Variants in PEBP4 observed in about 807,000 individuals in gnomAD.
PEBP4 encodes the protein phosphatidylethanolamine-binding protein 4.
PEBP4 carries 22 observed loss-of-function variants against 23.9 expected under a neutral mutation model. That is an observed-to-expected ratio of 0.92 (90% confidence interval 0.66 to 1.31). The LOEUF (loss-of-function observed/expected upper bound fraction) is 1.31, where lower values mean the gene tolerates loss of function less well. Ranked by LOEUF, PEBP4 falls within the 40% of genes most tolerant of loss-of-function variation. PEBP4 has a pLI of 0.00. For synonymous variants in PEBP4, 112 were observed against 99.3 expected (o/e 1.13, Z -0.76); for missense variants, 324 against 281.7 (o/e 1.15, Z -1.07).
intron 3 of PEBP4, among the ~76,000 whole-genome samples, chr8:22,855,590 T>A (rs1039439984): frequency 6.6e-6 from 1 of 152,188 alleles, no homozygotes; most frequent in African/African-American, 2.4e-5. Context: ...GGAAGTATTA[T>A]GTCCCTGGAA....
intron 3 of PEBP4, among the ~76,000 whole-genome samples, chr8:22,919,119 G>T (rs1484143350): frequency 6.6e-6 from 1 of 152,142 alleles, no homozygotes; most frequent in Non-Finnish European, 1.5e-5. Context: ...TCTATTCCCC[G>T]CATTGGAGTA....
intron 3 of PEBP4, among the ~76,000 whole-genome samples, chr8:22,829,533 C>T (rs1455944186): frequency 2.0e-5 from 3 of 152,158 alleles, no homozygotes; most frequent in Non-Finnish European, 4.4e-5. Flanking sequence ...TCAAGGCTTG[C>T]AACTCCCCAG....
chr8:22,870,397 A>G (rs1374314177), intron 3 of PEBP4, among the ~76,000 whole-genome samples: 1 of 152,214 alleles, frequency 6.6e-6, no homozygotes, highest in Admixed American at 6.5e-5. Flanking sequence ...AACTATGGAG[A>G]TAGTAAAATA....
chr8:22,875,334 T>G (rs933845531), intron 3 of PEBP4, among the ~76,000 whole-genome samples: 1 of 152,192 alleles, frequency 6.6e-6, no homozygotes, highest in African/African-American at 2.4e-5. Context: ...TTTTTAACTT[T>G]TATGTTAGGT....
chr8:22,720,117 G>A (rs1381791306), intron 6 of PEBP4, among the ~76,000 whole-genome samples: 3 of 152,234 alleles, frequency 2.0e-5, no homozygotes, highest in Non-Finnish European at 4.4e-5. Context: ...GCAGAGGTGA[G>A]CGCTTCTCTC....
intron 2 of PEBP4, among the ~76,000 whole-genome samples, chr8:22,923,100 C>A (rs1809246571): frequency 6.6e-6 from 1 of 152,190 alleles, no homozygotes; most frequent in South Asian, 2.1e-4. Flanking sequence ...TGGACAATAC[C>A]TATTTGCAGC....
At chr8:22,930,497 A>C (rs1043890949), upstream of PEBP4, among the ~76,000 whole-genome samples, 4 of 152,096 alleles carry the variant, frequency 2.6e-5, no homozygotes, top group African/African-American at 9.7e-5. Flanking sequence ...AGCATCTTAC[A>C]TGGAGTATAT....
intron 3 of PEBP4, among the ~76,000 whole-genome samples, chr8:22,841,581 C>A (rs1807330185): frequency 1.3e-5 from 2 of 152,218 alleles, no homozygotes; most frequent in Non-Finnish European, 2.9e-5. Flanking sequence ...TGCAATGAGG[C>A]CTCCAGGTAA....
At chr8:22,733,699 G>A (rs112233963) in intron 4 of PEBP4, among the ~76,000 whole-genome samples, 3 of 151,932 alleles carry the variant, frequency 2.0e-5, no homozygotes, top group African/African-American at 7.2e-5. Context: ...TGCACAGGAG[G>A]ATTCAATCTT....
At position 22,886,097 on chromosome 8, in the gene PEBP4, A is replaced by G. The variant is rs542534311; in HGVS notation, c.258+34087T>C. 5 of 152,328 alleles carry G rather than the reference A, an allele frequency of 3.3e-5. No homozygotes were observed. The South Asian group carries it at 1.0e-3, about 32-fold the overall frequency. 9.4% of individuals were successfully genotyped at this position (152,328 alleles called of 1,614,324 possible). Reference sequence around the variant, plus strand: ...TTCAACAATGAAACCCTTACTAGACAAATACTGACTCCCTGCTCCAGAATA... The same window carrying G: ...TTCAACAATGAAACCCTTACTAGACGAATACTGACTCCCTGCTCCAGAATA... On this transcript the variant is annotated intron_variant, in intron 3 of 6. Coordinates refer to ENST00000256404, the MANE Select transcript of PEBP4 (RefSeq NM_144962.3).
At chr8:22,714,330 G>A (rs1315551090) in intron 6 of PEBP4, among the ~76,000 whole-genome samples, 4 of 152,124 alleles carry the variant, frequency 2.6e-5, no homozygotes, top group Non-Finnish European at 5.9e-5. Context: ...ATATTCCCAC[G>A]TTCTTGTTTC....
chr8:22,815,627 A>G (rs1806724992), intron 4 of PEBP4, among the ~76,000 whole-genome samples: 1 of 152,138 alleles, frequency 6.6e-6, no homozygotes, highest in South Asian at 2.1e-4. Context: ...TGCAAATGTG[A>G]CGGAAACCCG....
intron 4 of PEBP4, among the ~76,000 whole-genome samples, chr8:22,729,818 C>T (rs1804696226): frequency 1.3e-5 from 2 of 152,186 alleles, no homozygotes; most frequent in South Asian, 4.1e-4. Flanking sequence ...AGGAGTAAAT[C>T]AGAAGCTGTG....
chr8:22,713,586 T>C, intron 6 of PEBP4, 50 bp from the exon 7 acceptor site: 2 of 1,612,694 alleles, frequency 1.2e-6, no homozygotes, highest in Non-Finnish European at 1.7e-6. Context: ...AGCCATGGAC[T>C]TGAAAGCTGG....
chr8:22,871,608 G>T (rs1057313055), intron 3 of PEBP4, among the ~76,000 whole-genome samples: 1 of 143,282 alleles, frequency 7.0e-6, no homozygotes, highest in Non-Finnish European at 1.5e-5. Context: ...AGACTGGAGT[G>T]CAGTGGTACG....
intron 3 of PEBP4, among the ~76,000 whole-genome samples, chr8:22,892,928 G>A (rs1808522279): frequency 1.3e-5 from 2 of 152,190 alleles, no homozygotes; most frequent in Admixed American, 1.3e-4. Context: ...TTGAGTTGAG[G>A]AGATAGAGCT....
Position 22,792,819 on chromosome 8 carries a change from A to G in PEBP4, c.357+24818T>C, listed in dbSNP as rs551721606. Among the ~76,000 whole-genome samples, 235 of 137,370 alleles carry G rather than the reference A, an allele frequency of 1.7e-3. 1 individual carries two copies. In the South Asian group the frequency reaches 0.029, roughly 17 times the overall value. The allele number at this position is 137,370 out of a possible 152,430, so 90.1% of individuals were successfully genotyped here. A position where few individuals can be genotyped will look rare whatever the true frequency, so the allele number is the denominator to read the frequency against. ...ATGTCAGAGGTGTGTACAGGGTGCC[A>G]TGGGGCATTGCGGTGGGTGGTAGGG... is the stretch of plus-strand genomic sequence containing the variant. On this transcript the variant is annotated intron_variant, in intron 4 of 6. Coordinates refer to ENST00000256404, the MANE Select transcript of PEBP4 (RefSeq NM_144962.3).
At chr8:22,796,324 G>C (rs1189757248) in intron 4 of PEBP4, among the ~76,000 whole-genome samples, 1 of 151,876 alleles carries the variant, frequency 6.6e-6, no homozygotes, top group Non-Finnish European at 1.5e-5. Flanking sequence ...TCCCCACTGG[G>C]TTTTGAGTTC....
chr8:22,872,645 C>T (rs1463963131), intron 3 of PEBP4, among the ~76,000 whole-genome samples: 1 of 152,206 alleles, frequency 6.6e-6, no homozygotes, highest in Admixed American at 6.5e-5. Flanking sequence ...ACTGTTTACT[C>T]TTAGCTACTT....
Sources: allele counts gnomAD v4.1 joint callset (sites outside exome capture counted in the v4.1 genomes callset), GRCh38; gene constraint gnomAD v4.1.1; transcripts MANE v1.5; gene names NCBI Gene and HGNC (gene_info 2026-07-23, HGNC 2026-07-21).